UGT1A5: variants seen among roughly 807,000 people sequenced by gnomAD.
UGT1A5 encodes UDP-glucuronosyltransferase 1A5.
A neutral mutation model predicts 40.3 loss-of-function variants in UGT1A5; 29 were observed. The observed-to-expected ratio is 0.72, with a 90% CI of 0.54 to 0.98. The LOEUF is 0.98. Ranked by LOEUF, UGT1A5 falls within the 50% of genes least tolerant of loss-of-function variation. UGT1A5 has a pLI of 0.00. For missense variants in UGT1A5, 678 were observed against 677.9 expected (o/e 1.00, Z 0.00); for synonymous variants, 257 against 262.5 (o/e 0.98, Z 0.20).
chr2:233,724,960 GCCGAGGTTGGCGGAT>G (rs567349076), intron 1 of UGT1A5, among the ~76,000 whole-genome samples: 4,803 of 144,840 alleles, frequency 0.033, 234 homozygotes, highest in African/African-American at 0.051. Context: ...ACCTCGGGAG[GCCGAGGTTGGCGGAT>G]CACTCGCGGT....
Position 233,713,373 on chromosome 2 carries a change from T to C in UGT1A5, c.382T>C (p.Cys128Arg), listed in dbSNP as rs1347311443. 1.2e-6 allele frequency: 2 copies of C among 1,614,164 alleles called. No homozygotes were observed. Among genetic ancestry groups the C allele is most frequent in the Non-Finnish European group, 8.5e-7 (1 of 1,180,032 alleles). ...NNMSLIIHRS[C>R]VELLHNEALI... ...TATGTCTTTGATCATACATAGGTCT[T>C]GTGTGGAGCTACTGCATAATGAGGC... The change falls in exon 1 of 5, where the codon TGT (cysteine) becomes CGT (arginine). Residue 128 changes from cysteine to arginine, a missense_variant. By Grantham distance (180) the Cys-to-Arg change is radical. Transcript: ENST00000373414.
At chr2:233,745,974 G>A (rs1693271191) in intron 1 of UGT1A5, among the ~76,000 whole-genome samples, 1 of 151,654 alleles carries the variant, frequency 6.6e-6, no homozygotes, top group Non-Finnish European at 1.5e-5. Flanking sequence ...CCCTGAAATG[G>A]GACCATGACA....
intron 1 of UGT1A5, chr2:233,717,656 G>A: frequency 2.5e-6 from 1 of 406,942 alleles, no homozygotes; most frequent in East Asian, 7.2e-5. Context: ...GGACAAGGAA[G>A]CATCAGCAAT....
At chr2:233,736,362 A>G (rs1213397450) in intron 1 of UGT1A5, among the ~76,000 whole-genome samples, 1 of 152,180 alleles carries the variant, frequency 6.6e-6, no homozygotes, top group African/African-American at 2.4e-5. Flanking sequence ...CAGCTCCATC[A>G]GGTCATTTAA....
chr2:233,747,435 T>C, intron 1 of UGT1A5: 2 of 1,608,866 alleles, frequency 1.2e-6, no homozygotes, highest in East Asian at 2.2e-5. Flanking sequence ...AGAGAAATTT[T>C]TCACCCTGAC....
chr2:233,759,375 T>C (rs1697120269), intron 1 of UGT1A5, among the ~76,000 whole-genome samples: 2 of 152,058 alleles, frequency 1.3e-5, no homozygotes, highest in Admixed American at 1.3e-4. Flanking sequence ...AGGTACAGGT[T>C]TTCAGGATAC....
intron 1 of UGT1A5, among the ~76,000 whole-genome samples, chr2:233,725,333 T>C (rs2077437851): frequency 7.8e-6 from 1 of 128,680 alleles, no homozygotes; most frequent in Non-Finnish European, 1.7e-5. Context: ...GTCAACAATC[T>C]TAAGTCCAAT....
chr2:233,756,958 C>A (rs1696367405), intron 1 of UGT1A5, among the ~76,000 whole-genome samples: 1 of 151,964 alleles, frequency 6.6e-6, no homozygotes, highest in Non-Finnish European at 1.5e-5. Context: ...GGACTTGGCA[C>A]TTGGTAAGCA....
At position 233,713,253 on chromosome 2, in the gene UGT1A5, G is replaced by T; in HGVS notation, c.262G>T (p.Glu88Ter). 1 of 1,614,226 alleles carries T rather than the reference G, an allele frequency of 6.2e-7. No homozygotes were observed. Among genetic ancestry groups the T allele is most frequent in the Non-Finnish European group, 8.5e-7 (1 of 1,180,038 alleles). Residue 88 changes from glutamate (E) to a stop codon, truncating the protein, a stop_gained, in exon 1 of 5, where the codon GAA becomes TAA. Transcript: ENST00000373414. LOFTEE classifies it high-confidence loss of function. ...GTATGCCATTTCATGGACCCAGGAC[G>T]AATTTGATCGCCTTTTGCTGGGTCA... ...TTYAISWTQD[E>*]FDRLLLGHTQ... is the part of the protein sequence containing the mutation.
At chr2:233,752,950 A>G (rs1198772139) in intron 1 of UGT1A5, among the ~76,000 whole-genome samples, 1 of 152,220 alleles carries the variant, frequency 6.6e-6, no homozygotes, top group Non-Finnish European at 1.5e-5. Context: ...ACCACTGAAC[A>G]ATGGGATTTA....
At chr2:233,724,276 C>T (rs2077203543) in intron 1 of UGT1A5, among the ~76,000 whole-genome samples, 1 of 135,960 alleles carries the variant, frequency 7.4e-6, no homozygotes, top group Non-Finnish European at 1.6e-5. Flanking sequence ...GGGCGGCTGG[C>T]CGGGCGGGGG....
rs1393743923 is a variant in UGT1A5, at chr2:233,745,878, T to C, written c.868-21156T>C. 2.0e-5 allele frequency among the ~76,000 whole-genome samples: 3 copies of C among 150,678 alleles called. 1 individual carries two copies. Among genetic ancestry groups the C allele is most frequent in the African/African-American group, 7.4e-5 (3 of 40,514 alleles). On this transcript the variant is annotated intron_variant, in intron 1 of 4. Transcript: ENST00000373414. ...AAGCTGCTGACCAAGGTTCCAGAAGTGTTGGTGGGGTGGCGTTTTTCAGGG... is the reference window on the plus strand; with the variant it reads ...AAGCTGCTGACCAAGGTTCCAGAAGCGTTGGTGGGGTGGCGTTTTTCAGGG...
chr2:233,757,562 G>GTATATA (rs1491042837), intron 1 of UGT1A5, among the ~76,000 whole-genome samples: 1 of 90,870 alleles, frequency 1.1e-5, no homozygotes, highest in African/African-American at 5.1e-5. Flanking sequence ...ATATATATAT[G>GTATATA]TATATATGAT....
intron 1 of UGT1A5, among the ~76,000 whole-genome samples, chr2:233,735,627 A>T (rs1296033984): frequency 1.3e-5 from 2 of 152,164 alleles, no homozygotes; most frequent in Non-Finnish European, 2.9e-5. Flanking sequence ...ACAATTTGGC[A>T]TGTTTTTGCA....
rs761622962 is a variant in UGT1A5 at position 233,769,246 on chromosome 2, A to C, written c.1307+807A>C. On this transcript the variant is annotated intron_variant, in intron 4 of 4. Transcript: ENST00000373414. The surrounding 1 kb of genome is among the most constrained non-coding windows in gnomAD (Gnocchi z 4.4). The stretch of plus-strand genomic sequence containing the variant: ...TAAGAGCAAAGGAAAATTTGCTCAA[A>C]TGTGGCCCTGAAAACGATTCAAAGG... Among the ~76,000 whole-genome samples the C allele has an allele frequency of 6.6e-6, 1 of 152,238 alleles. No individual in the cohort carries two copies. Among genetic ancestry groups the C allele is most frequent in the Non-Finnish European group, 1.5e-5 (1 of 68,028 alleles).
chr2:233,755,103 A>G, intron 1 of UGT1A5: 1 of 1,335,002 alleles, frequency 7.5e-7, no homozygotes, highest in Non-Finnish European at 1.0e-6. Flanking sequence ...CGCGTCCGAC[A>G]ACACCTCGTA....
intron 1 of UGT1A5, chr2:233,743,719 G>A (rs757280255): frequency 2.2e-6 from 3 of 1,367,368 alleles, no homozygotes; most frequent in East Asian, 9.1e-5. Context: ...CGCCATAGCG[G>A]TCATAGATAT....
intron 1 of UGT1A5, chr2:233,718,673 G>A (rs1477051570): frequency 1.3e-5 from 21 of 1,556,176 alleles, no homozygotes; most frequent in Non-Finnish European, 1.7e-5. Flanking sequence ...AGATTAATGG[G>A]TAATAAGTAA....
rs1316565909 is a variant in UGT1A5, at chr2:233,767,035, A to G, written c.869A>G (p.Glu290Gly). 6.2e-7 allele frequency: 1 copy of G among 1,614,064 alleles called. No homozygotes were observed. The highest frequency in any genetic ancestry group is 1.7e-5 in the Admixed American group (1 of 60,022). ...NCANGKPLSQ[E>G]FEAYINASGE... The stretch of plus-strand genomic sequence containing the variant: ...TGAAAATTTTTCTTCTGGCTCTAGG[A>G]ATTTGAAGCCTACATTAATGCTTCT... The change falls in exon 2 of 5, where the codon GAA (glutamate) becomes GGA (glycine). Residue 290 changes from glutamate to glycine, a missense_variant and splice_region_variant. Coordinates refer to ENST00000373414, the MANE Select transcript of UGT1A5 (RefSeq NM_019078.2).
Sources: gnomAD v4.1 joint callset for allele counts (sites outside exome capture counted in the v4.1 genomes callset) on GRCh38, gnomAD v4.1.1 for gene constraint, Gnocchi (gnomAD v3.1) non-coding constraint, MANE v1.5 for transcripts, NCBI Gene and HGNC (gene_info 2026-07-23, HGNC 2026-07-21) for gene names.